The following RERE variants were observed in gnomAD, a reference collection of about 807,000 sequenced individuals.
RERE encodes the protein arginine-glutamic acid dipeptide repeats.
In RERE, 40 loss-of-function variants were observed where a neutral mutation model predicts 146.1. That is an observed-to-expected ratio of 0.27 (90% CI 0.21 to 0.36). The LOEUF (loss-of-function observed/expected upper bound fraction) is 0.36. Among genes scored for constraint, RERE ranks in the 10% least tolerant of loss-of-function variants. RERE has a pLI of 1.00. For missense variants in RERE, 1,933 were observed against 2,138.7 expected (o/e 0.90, Z 1.90); for synonymous variants, 1,003 against 866.0 (o/e 1.16, Z -2.78).
At chr1:8,476,560 C>T (rs1179942425) in intron 10 of RERE, among the ~76,000 whole-genome samples, 1 of 152,200 alleles carries the variant, frequency 6.6e-6, no homozygotes, top group African/African-American at 2.4e-5. Context: ...TGAAAACACT[C>T]ACAGTGCTAA....
chr1:8,633,724 C>T (rs1647063208), intron 2 of RERE, among the ~76,000 whole-genome samples: 1 of 151,868 alleles, frequency 6.6e-6, no homozygotes, highest in Admixed American at 6.6e-5. Flanking sequence ...CCCAGGAGTT[C>T]GAGACCAACC....
At position 8,563,587 on chromosome 1, in the gene RERE, C is replaced by A. The variant is rs180702142; in HGVS notation, c.523-6064G>T. ...GGCCAAAGACAGCCTCAACAGAGTA[C>A]AAAGATGGATATTAGCAAATAAATA... On this transcript the variant is annotated intron_variant, in intron 4 of 22. Transcript: ENST00000400908. Among the ~76,000 whole-genome samples the A allele has an allele frequency of 1.5e-4, 23 of 152,260 alleles. No individual in the cohort carries two copies. In the East Asian group the frequency reaches 4.1e-3, roughly 27 times the overall value.
At chr1:8,441,888 T>C (rs748207435) in intron 11 of RERE, among the ~76,000 whole-genome samples, 6 of 151,946 alleles carry the variant, frequency 3.9e-5, no homozygotes, top group African/African-American at 1.4e-4. Context: ...TCTTCTATAC[T>C]TAAGAGCTTT....
chr1:8,538,226 C>T (rs1309595036), intron 7 of RERE, among the ~76,000 whole-genome samples: 1 of 152,186 alleles, frequency 6.6e-6, no homozygotes. Flanking sequence ...AACTTACATA[C>T]TTACCTAAAT....
chr1:8,355,857 G>A lies in RERE; in HGVS notation c.4486+243C>T, dbSNP rs112535318. ...CCAAGTGCTTCTCCTTCAGAGACCTGCCGTGAGTCCCCTCTGCTACTTTCA... is the reference window on the plus strand; with the variant it reads ...CCAAGTGCTTCTCCTTCAGAGACCTACCGTGAGTCCCCTCTGCTACTTTCA... On this transcript the variant is annotated intron_variant, in intron 21 of 22. Coordinates refer to ENST00000400908, the MANE Select transcript of RERE (RefSeq NM_001042681.2). 0.018 allele frequency among the ~76,000 whole-genome samples: 2,808 copies of A among 152,164 alleles called. 86 individuals carry two copies. Among genetic ancestry groups the A allele is most frequent in the African/African-American group, 0.065 (2,702 of 41,486 alleles).
intron 1 of RERE, among the ~76,000 whole-genome samples, chr1:8,695,517 A>AG (rs948422753): frequency 1.4e-5 from 2 of 142,586 alleles, no homozygotes; most frequent in Admixed American, 7.5e-5. Context: ...TGGGAGGCCC[A>AG]GGGGGGCGGA....
At chr1:8,653,474 G>C (rs1222351352) in intron 2 of RERE, among the ~76,000 whole-genome samples, 1 of 152,112 alleles carries the variant, frequency 6.6e-6, no homozygotes, top group South Asian at 2.1e-4. Flanking sequence ...TTGGGAGGCC[G>C]AGGCGGGTAG....
At chr1:8,589,308 T>A (rs1234951749) in intron 4 of RERE, among the ~76,000 whole-genome samples, 4 of 151,366 alleles carry the variant, frequency 2.6e-5, no homozygotes, top group African/African-American at 9.7e-5. Context: ...GGTATGGTGG[T>A]GCATGCCTGT....
chr1:8,527,716 T>C (rs1460288817), intron 7 of RERE, among the ~76,000 whole-genome samples: 1 of 152,180 alleles, frequency 6.6e-6, no homozygotes, highest in African/African-American at 2.4e-5. Context: ...CTCTTCATTG[T>C]CTTTCCTGGT....
At chr1:8,657,266 C>G (rs1185879307) in intron 1 of RERE, among the ~76,000 whole-genome samples, 1 of 141,626 alleles carries the variant, frequency 7.1e-6, no homozygotes, top group East Asian at 2.1e-4. Context: ...GATTGTGCCA[C>G]TGCACTTCAG....
chr1:8,611,322 G>C (rs1384920598), intron 4 of RERE, among the ~76,000 whole-genome samples: 1 of 151,696 alleles, frequency 6.6e-6, no homozygotes, highest in Non-Finnish European at 1.5e-5. Flanking sequence ...TGGCCAATAA[G>C]GCAAAAAACA....
intron 7 of RERE, among the ~76,000 whole-genome samples, chr1:8,530,248 T>C (rs1181745816): frequency 6.6e-6 from 1 of 152,176 alleles, no homozygotes; most frequent in African/African-American, 2.4e-5. Context: ...CACTTCTGAA[T>C]AGACTAAATG....
chr1:8,685,271 C>CATTTTAT (rs1639059335), intron 1 of RERE, among the ~76,000 whole-genome samples: 1 of 152,184 alleles, frequency 6.6e-6, no homozygotes, highest in African/African-American at 2.4e-5. Flanking sequence ...TTCCAGGAAG[C>CATTTTAT]ATTTTATATT....
Position 8,364,338 on chromosome 1 carries a change from G to A in RERE, c.1541-83C>T, listed in dbSNP as rs1641714430. ...TCTGGGCAGAGGGGCCCTTCTGTGG[G>A]CTCTACCCAAACCTGATGCCACCAG... On this transcript the variant is annotated intron_variant, in intron 14 of 22. Coordinates refer to ENST00000400908, the MANE Select transcript of RERE (RefSeq NM_001042681.2). The surrounding 1 kb of genome is among the most constrained non-coding windows in gnomAD (Gnocchi z 5.1). The A allele has an allele frequency of 7.9e-7, 1 of 1,270,334 alleles. No individual in the cohort carries two copies. The highest frequency in any genetic ancestry group is 1.5e-5 in the African/African-American group (1 of 68,598). 78.7% of individuals were successfully genotyped at this position (1,270,334 alleles called of 1,614,324 possible). A position where few individuals can be genotyped will look rare whatever the true frequency, so the allele number is the denominator to read the frequency against.
chr1:8,535,325 T>C (rs1645710741), intron 7 of RERE, among the ~76,000 whole-genome samples: 1 of 152,160 alleles, frequency 6.6e-6, no homozygotes, highest in Non-Finnish European at 1.5e-5. Context: ...TTGTAGGTTT[T>C]TATTAGGAAC....
At chr1:8,451,606 G>T (rs917927748) in intron 11 of RERE, among the ~76,000 whole-genome samples, 1 of 152,130 alleles carries the variant, frequency 6.6e-6, no homozygotes, top group African/African-American at 2.4e-5. Context: ...TGTGTCTGAA[G>T]TTCCTCATGT....
At chr1:8,576,514 T>TAA (rs1378363972) in intron 4 of RERE, among the ~76,000 whole-genome samples, 1 of 152,222 alleles carries the variant, frequency 6.6e-6, no homozygotes, top group Non-Finnish European at 1.5e-5. Context: ...GATGAACTAT[T>TAA]TAATGAGTTT....
chr1:8,584,239 G>T (rs1224073657), intron 4 of RERE, among the ~76,000 whole-genome samples: 1 of 151,986 alleles, frequency 6.6e-6, no homozygotes, highest in Non-Finnish European at 1.5e-5. Flanking sequence ...AATATGAAAA[G>T]GACTAAGGAG....
At chr1:8,662,933 T>G (rs889483759) in intron 1 of RERE, among the ~76,000 whole-genome samples, 3 of 152,216 alleles carry the variant, frequency 2.0e-5, no homozygotes, top group Non-Finnish European at 4.4e-5. Context: ...ACAAGTATAC[T>G]ATATGTAAAT....
Sources: allele counts gnomAD v4.1 joint callset (sites outside exome capture counted in the v4.1 genomes callset), GRCh38; gene constraint gnomAD v4.1.1; non-coding constraint Gnocchi (gnomAD v3.1); transcripts MANE v1.5; gene names NCBI Gene and HGNC (gene_info 2026-07-23, HGNC 2026-07-21).